SPTBN1: variants seen among roughly 807,000 people sequenced by gnomAD.
The protein encoded by SPTBN1 is spectrin beta, non-erythrocytic 1, also known as spectrin beta chain, non-erythrocytic 1.
Under a neutral mutation model 266.4 loss-of-function variants are expected in SPTBN1, and 32 were observed. The ratio of observed to expected loss-of-function variants is 0.12; its 90% CI spans 0.09 to 0.16. The LOEUF is 0.16. Ranked by LOEUF, SPTBN1 falls within the 10% of genes least tolerant of loss-of-function variation. SPTBN1 has a pLI of 1.00. For synonymous variants in SPTBN1, 1,336 were observed against 1,162.2 expected (o/e 1.15, Z -3.04); for missense variants, 2,296 against 3,067.1 (o/e 0.75, Z 5.94).
At chr2:54,509,387 G>C (rs1669737146) in intron 1 of SPTBN1, among the ~76,000 whole-genome samples, 1 of 152,162 alleles carries the variant, frequency 6.6e-6, no homozygotes. Flanking sequence ...ATATGCATCA[G>C]GTGTGAGGAA....
chr2:54,621,166 G>C (rs1677969434), intron 7 of SPTBN1, among the ~76,000 whole-genome samples: 1 of 152,168 alleles, frequency 6.6e-6, no homozygotes, highest in East Asian at 1.9e-4. Flanking sequence ...AAGGAGAGGA[G>C]GAACTATGTG....
intron 2 of SPTBN1, among the ~76,000 whole-genome samples, chr2:54,546,958 T>TAA (rs71975342): frequency 0.079 from 11,398 of 144,034 alleles, 595 homozygotes; most frequent in African/African-American, 0.15. Context: ...TTAATGGTGG[T>TAA]AAAAAAAAAA....
Position 54,554,907 on chromosome 2 carries a change from A to AGCT in SPTBN1, c.148+28342_148+28344dup, listed in dbSNP as rs1672773606. Among the ~76,000 whole-genome samples the AGCT allele has an allele frequency of 6.6e-6, 1 of 152,114 alleles. No individual in the cohort carries two copies. Among genetic ancestry groups the AGCT allele is most frequent in the African/African-American group, 2.4e-5 (1 of 41,410 alleles). On this transcript the variant is annotated intron_variant, in intron 2 of 35. Coordinates refer to ENST00000356805, the MANE Select transcript of SPTBN1 (RefSeq NM_003128.3). This position sits in a 1 kb window ranked among gnomAD's most constrained non-coding sequence, Gnocchi z 4.5. ...CCTCATTCACTAGTCTCATCTTCAT[A>AGCT]GCTTCTTCTTCGTCCTCCTCCTCCT...
chr2:54,602,937 C>T (rs1467965635), intron 3 of SPTBN1, among the ~76,000 whole-genome samples: 2 of 152,176 alleles, frequency 1.3e-5, no homozygotes, highest in East Asian at 1.9e-4. Context: ...CATGGAACCT[C>T]GTTGGGGTTT....
At chr2:54,524,540 A>G (rs1194012127) in intron 1 of SPTBN1, among the ~76,000 whole-genome samples, 1 of 152,138 alleles carries the variant, frequency 6.6e-6, no homozygotes, top group Non-Finnish European at 1.5e-5. Flanking sequence ...TTCTCCACCC[A>G]GAGCTGCACC....
chr2:54,517,076 G>GT (rs1230102256), intron 1 of SPTBN1, among the ~76,000 whole-genome samples: 1 of 150,560 alleles, frequency 6.6e-6, no homozygotes, highest in Non-Finnish European at 1.5e-5. Context: ...AGAGAATAGA[G>GT]TTTGAGTATT....
At chr2:54,602,202 G>T (rs573265848) in intron 3 of SPTBN1, among the ~76,000 whole-genome samples, 1 of 152,148 alleles carries the variant, frequency 6.6e-6, no homozygotes, top group Non-Finnish European at 1.5e-5. Flanking sequence ...GGTCTCACTT[G>T]AAAAATGCCT....
At chr2:54,548,248 A>C (rs1414732922) in intron 2 of SPTBN1, among the ~76,000 whole-genome samples, 1 of 152,184 alleles carries the variant, frequency 6.6e-6, no homozygotes, top group African/African-American at 2.4e-5. Flanking sequence ...AAGAATAATA[A>C]AGGAAAGATC....
chr2:54,620,725 C>T (rs552348712), intron 7 of SPTBN1, among the ~76,000 whole-genome samples: 1 of 152,270 alleles, frequency 6.6e-6, no homozygotes, highest in Non-Finnish European at 1.5e-5. Context: ...CAATGCTTGA[C>T]ACTTAAAAGA....
intron 1 of SPTBN1, among the ~76,000 whole-genome samples, chr2:54,524,934 C>T (rs2104315358): frequency 6.9e-6 from 1 of 145,026 alleles, no homozygotes; most frequent in African/African-American, 2.6e-5. Context: ...AAAATAGTCA[C>T]ATGACTCTGC....
At chr2:54,480,425 C>T (rs6754429) in intron 1 of SPTBN1, among the ~76,000 whole-genome samples, 33,196 of 152,182 alleles carry the variant, frequency 0.22, 4,646 homozygotes, top group East Asian at 0.37. Context: ...AACAACACAT[C>T]GTTTTTTAGT....
chr2:54,489,564 G>A (rs892572714), intron 1 of SPTBN1, among the ~76,000 whole-genome samples: 7 of 152,146 alleles, frequency 4.6e-5, no homozygotes, highest in Non-Finnish European at 1.0e-4. Flanking sequence ...GCCAGGCGTG[G>A]TGGTGTGCAT....
At chr2:54,496,123 T>C (rs1414857178) in intron 1 of SPTBN1, among the ~76,000 whole-genome samples, 1 of 151,982 alleles carries the variant, frequency 6.6e-6, no homozygotes, top group African/African-American at 2.4e-5. Context: ...TTACTCCCCA[T>C]ATCAGAAATA....
At chr2:54,658,854 C>T (rs923282707) in intron 30 of SPTBN1, among the ~76,000 whole-genome samples, 2 of 152,176 alleles carry the variant, frequency 1.3e-5, no homozygotes, top group African/African-American at 4.8e-5. Flanking sequence ...AGGTACTTTT[C>T]TCCTCAGCAG....
At position 54,603,107 on chromosome 2, in the gene SPTBN1, T is replaced by C. The variant is rs185843464; in HGVS notation, c.300+3864T>C. Among the ~76,000 whole-genome samples the C allele has an allele frequency of 6.7e-3, 1,026 of 152,260 alleles. 13 individuals are homozygous for C. The highest frequency in any genetic ancestry group is 0.011 in the Admixed American group (169 of 15,302). On this transcript the variant is annotated intron_variant, in intron 3 of 35. Coordinates refer to ENST00000356805, the MANE Select transcript of SPTBN1 (RefSeq NM_003128.3). ...TGCCAGATGAATGGCCCCAGAGCCC[T>C]AGAGTTCAGAAGGGGAGATGAGCCC...
At chr2:54,529,274 A>C (rs1042808396) in intron 2 of SPTBN1, 2 of 443,638 alleles carry the variant, frequency 4.5e-6, no homozygotes, top group Non-Finnish European at 8.6e-6. Context: ...ACCGAGCTAA[A>C]GTCTAGGAAG....
chr2:54,601,448 A>T (rs535727018), intron 3 of SPTBN1, among the ~76,000 whole-genome samples: 1 of 152,282 alleles, frequency 6.6e-6, no homozygotes, highest in South Asian at 2.1e-4. Context: ...CAGGACCTCA[A>T]GTTAAAGATC....
chr2:54,535,116 A>G (rs1393027574), intron 2 of SPTBN1: 1 of 152,224 alleles, frequency 6.6e-6, no homozygotes, highest in Admixed American at 6.5e-5. Context: ...AAGGAATACA[A>G]TTGCTCTTCA....
chr2:54,660,328 C>G, intron 32 of SPTBN1: 1 of 1,258,020 alleles, frequency 7.9e-7, no homozygotes, highest in Non-Finnish European at 1.0e-6. Context: ...GATTTTACAG[C>G]GAAACCCTTA....
Sources: allele counts gnomAD v4.1 joint callset (sites outside exome capture counted in the v4.1 genomes callset), GRCh38; gene constraint gnomAD v4.1.1; non-coding constraint Gnocchi (gnomAD v3.1); transcripts MANE v1.5; gene names NCBI Gene and HGNC (gene_info 2026-07-23, HGNC 2026-07-21).